CLCN5: variants seen among roughly 807,000 people sequenced by gnomAD.
The protein encoded by CLCN5 is Cl-/H+ antiporter 5.
Under a neutral mutation model 54.0 loss-of-function variants are expected in CLCN5, and 17 were observed. The ratio of observed to expected loss-of-function variants is 0.31; its 90% CI spans 0.22 to 0.47. The LOEUF (loss-of-function observed/expected upper bound fraction) is 0.47, where lower values mean the gene tolerates loss of function less well. CLCN5 is among the 20% of genes least tolerant of loss of function. The pLI is 1.00. For missense variants in CLCN5, 448 were observed against 646.7 expected (o/e 0.69, Z 3.33); for synonymous variants, 222 against 233.0 (o/e 0.95, Z 0.43).
chrX:50,045,115 G>T (rs782486093), intron 4 of CLCN5, among the ~76,000 whole-genome samples: 1 of 111,528 alleles, frequency 9.0e-6, no homozygotes, highest in East Asian at 2.8e-4. Context: ...GTCAGGGAAG[G>T]TTTCTCTGAG....
At chrX:50,064,914 G>C (rs1392372466) in intron 4 of CLCN5, among the ~76,000 whole-genome samples, 3 of 109,821 alleles carry the variant, frequency 2.7e-5, no homozygotes, top group Non-Finnish European at 5.7e-5. Flanking sequence ...ATGGGGAAAG[G>C]ATTCCCTATT....
rs1189949606 is a variant in CLCN5 at position 50,094,966 on chromosome X, C to A, written c.*2747C>A. 8.9e-6 allele frequency: 1 copy of A among 112,609 alleles called. No individual in the cohort carries two copies. Among genetic ancestry groups the A allele is most frequent in the Non-Finnish European group, 1.9e-5 (1 of 53,282 alleles). 9.3% of individuals were successfully genotyped at this position (112,609 alleles called of 1,213,427 possible). A position where few individuals can be genotyped will look rare whatever the true frequency, so the allele number is the denominator to read the frequency against. On this transcript the variant is annotated 3_prime_UTR_variant, in exon 15 of 15. Transcript: ENST00000376091. ...ACTTTAACAGTTGGACATGCTTAAG[C>A]AACAAATACAGCCAGTATAGGGAGG... is the stretch of plus-strand genomic sequence containing the variant.
chrX:50,003,890 G>A (rs1222280956), intron 3 of CLCN5, among the ~76,000 whole-genome samples: 1 of 111,776 alleles, frequency 8.9e-6, no homozygotes, highest in Non-Finnish European at 1.9e-5. Flanking sequence ...TCCTGTACAT[G>A]GGGCATGATG....
At chrX:50,006,047 G>A (rs1930134236) in intron 3 of CLCN5, among the ~76,000 whole-genome samples, 2 of 112,115 alleles carry the variant, frequency 1.8e-5, no homozygotes, top group African/African-American at 6.5e-5. Flanking sequence ...CACAAGTATG[G>A]TTCTGACTGT....
At chrX:49,999,409 C>CTTT (rs782377247) in intron 3 of CLCN5, among the ~76,000 whole-genome samples, 4 of 91,294 alleles carry the variant, frequency 4.4e-5, no homozygotes, top group African/African-American at 1.2e-4. Context: ...GTGGACTTTG[C>CTTT]TTTTTTTTTT....
intron 3 of CLCN5, among the ~76,000 whole-genome samples, chrX:50,002,683 G>C (rs1486188325): frequency 0.024 from 2,079 of 86,286 alleles, 46 homozygotes; most frequent in African/African-American, 0.058. Context: ...CTCTCTCTCT[G>C]TGTGTGTGTG....
intron 4 of CLCN5, among the ~76,000 whole-genome samples, chrX:50,060,276 G>C (rs1232120964): frequency 2.7e-5 from 3 of 111,005 alleles, no homozygotes; most frequent in Non-Finnish European, 5.7e-5. Context: ...GTGCCAGAGA[G>C]TGGGCGCAGG....
intron 3 of CLCN5, among the ~76,000 whole-genome samples, chrX:50,040,770 T>C (rs1423511813): frequency 8.9e-6 from 1 of 112,053 alleles, no homozygotes; most frequent in Admixed American, 9.5e-5. Flanking sequence ...TCATCTGGCC[T>C]ATCCAGCATC....
At chrX:50,077,864 C>T (rs1295821360) in intron 7 of CLCN5, among the ~76,000 whole-genome samples, 5 of 72,467 alleles carry the variant, frequency 6.9e-5, no homozygotes, top group African/African-American at 2.8e-4. Context: ...TATATACACA[C>T]ATATATATAT....
At chrX:50,091,115 T>C (rs1052255376) in intron 14 of CLCN5, among the ~76,000 whole-genome samples, 8 of 111,944 alleles carry the variant, frequency 7.1e-5, no homozygotes, top group Non-Finnish European at 1.9e-5. Flanking sequence ...TTGCATATTA[T>C]AAATAACCCA....
chrX:50,026,868 G>C (rs1931417345), intron 3 of CLCN5, among the ~76,000 whole-genome samples: 1 of 111,493 alleles, frequency 9.0e-6, no homozygotes, highest in Admixed American at 9.5e-5. Flanking sequence ...GATATGATAT[G>C]CGTAGGTATA....
At chrX:50,068,178 T>G (rs1000755227) in intron 4 of CLCN5, 1 of 111,764 alleles carries the variant, frequency 8.9e-6, no homozygotes, top group Non-Finnish European at 1.9e-5. Flanking sequence ...AATATCTGGT[T>G]GTTTGGTGTC....
chrX:50,004,250 A>G (rs1294021298), intron 3 of CLCN5, among the ~76,000 whole-genome samples: 6 of 112,203 alleles, frequency 5.3e-5, no homozygotes, highest in African/African-American at 1.9e-4. Context: ...CCAGGGATAC[A>G]CCAGTGACCA....
chrX:50,000,540 G>A (rs1394108280), intron 3 of CLCN5, among the ~76,000 whole-genome samples: 2 of 111,297 alleles, frequency 1.8e-5, no homozygotes, highest in African/African-American at 6.6e-5. Flanking sequence ...CCAAGGATGT[G>A]CCAGAAAGTG....
At chrX:50,053,642 T>G (rs1354684987) in intron 4 of CLCN5, among the ~76,000 whole-genome samples, 1 of 111,717 alleles carries the variant, frequency 9.0e-6, no homozygotes, top group Non-Finnish European at 1.9e-5. Context: ...TATATACATT[T>G]AAGCCTATAA....
At chrX:49,983,409 C>A (rs1421393860) in intron 3 of CLCN5, among the ~76,000 whole-genome samples, 2 of 110,531 alleles carry the variant, frequency 1.8e-5, no homozygotes, top group African/African-American at 3.3e-5. Flanking sequence ...TTTATTCATT[C>A]CTTTTATACA....
intron 4 of CLCN5, among the ~76,000 whole-genome samples, chrX:50,064,653 A>T (rs1314620502): frequency 9.9e-6 from 1 of 100,662 alleles, no homozygotes; most frequent in Admixed American, 1.1e-4. Context: ...AGAATTGGAA[A>T]AAACTACTTT....
At chrX:49,983,354 C>T (rs1302121045) in intron 3 of CLCN5, among the ~76,000 whole-genome samples, 4 of 111,549 alleles carry the variant, frequency 3.6e-5, no homozygotes, top group African/African-American at 1.3e-4. Flanking sequence ...TTTACTAACA[C>T]GATGAGTGAA....
At chrX:50,028,577 T>C (rs1458452884) in intron 3 of CLCN5, among the ~76,000 whole-genome samples, 2 of 111,907 alleles carry the variant, frequency 1.8e-5, no homozygotes, top group Non-Finnish European at 3.8e-5. Context: ...TCTGTATCCA[T>C]CTGTCTCTTT....
Sources: allele counts gnomAD v4.1 joint callset (sites outside exome capture counted in the v4.1 genomes callset), GRCh38; gene constraint gnomAD v4.1.1; transcripts MANE v1.5; gene names NCBI Gene and HGNC (gene_info 2026-07-23, HGNC 2026-07-21).